The following PPP4R4 variants were observed in gnomAD, a reference collection of about 807,000 sequenced individuals.
The protein encoded by PPP4R4 is serine/threonine-protein phosphatase 4 regulatory subunit 4.
A neutral mutation model predicts 121.8 loss-of-function variants in PPP4R4; 70 were observed. That is an observed-to-expected ratio of 0.57 (90% CI 0.47 to 0.70). PPP4R4 has a LOEUF of 0.70. Among genes scored for constraint, PPP4R4 ranks in the 30% least tolerant of loss-of-function variants. PPP4R4 has a pLI of 0.00. For synonymous variants in PPP4R4, 348 were observed against 355.7 expected, an observed-to-expected ratio of 0.98 and a Z score of 0.24; for missense variants, 875 against 1,033.6, an observed-to-expected ratio of 0.85 and a Z score of 2.10.
At chr14:94,234,541 T>A (rs773231807) in intron 6 of PPP4R4, 21 bp from the exon 7 acceptor site, 9 of 1,447,890 alleles carry the variant, frequency 6.2e-6, no homozygotes, top group Admixed American at 5.2e-5. Context: ...ATTTGCATGT[T>A]TCTTTTCTCC....
chr14:94,227,816 T>G (rs957279423), intron 3 of PPP4R4: 3 of 987,072 alleles, frequency 3.0e-6, no homozygotes, highest in Admixed American at 6.1e-5. Flanking sequence ...AAGTCCTTTC[T>G]GTTTCTAAAT....
At chr14:94,176,189 C>A in intron 2 of PPP4R4, 62 bp downstream of exon 2, 1 of 1,355,486 alleles carries the variant, frequency 7.4e-7, no homozygotes, top group Non-Finnish European at 1.1e-6. Context: ...GAGATGAATG[C>A]TTTCTAAAAT....
intron 2 of PPP4R4, among the ~76,000 whole-genome samples, chr14:94,183,796 A>G (rs1259201586): frequency 6.6e-6 from 1 of 152,148 alleles, no homozygotes; most frequent in Non-Finnish European, 1.5e-5. Context: ...TCTTGTAAGC[A>G]TAGTGTTTTA....
At chr14:94,199,022 C>T (rs181249351) in intron 2 of PPP4R4, among the ~76,000 whole-genome samples, 7 of 152,298 alleles carry the variant, frequency 4.6e-5, no homozygotes, top group Non-Finnish European at 8.8e-5. Context: ...CTTTGCATTT[C>T]CATATAGATT....
At chr14:94,247,927 C>T (rs1382039768) in intron 14 of PPP4R4, among the ~76,000 whole-genome samples, 1 of 152,166 alleles carries the variant, frequency 6.6e-6, no homozygotes, top group African/African-American at 2.4e-5. Flanking sequence ...ATAATAATAG[C>T]TGTCTATGAC....
At position 94,268,482 on chromosome 14, in the gene PPP4R4, C is replaced by T. The variant is rs1050180548; in HGVS notation, c.2449+1453C>T. On this transcript the variant is annotated intron_variant, in intron 23 of 24. Transcript: ENST00000304338. ...CTAGTTTTTAAGTGACCTTAAGAAC[C>T]AAGAGAGTAGATATGGTCCACAGAT... 1.0e-3 allele frequency among the ~76,000 whole-genome samples: 157 copies of T among 151,952 alleles called. 3 individuals are homozygous for T. The highest frequency in any genetic ancestry group is 2.6e-4 in the Non-Finnish European group (18 of 67,988).
chr14:94,277,459 G>T (rs568348827), intron 24 of PPP4R4, among the ~76,000 whole-genome samples: 2 of 152,204 alleles, frequency 1.3e-5, no homozygotes, highest in Non-Finnish European at 2.9e-5. Flanking sequence ...CTGTCTCATG[G>T]TTCCTCCTCC....
chr14:94,278,746 GT>G lies in PPP4R4; in HGVS notation c.*114del, dbSNP rs5810667. ...CTGGGGCTTTGTTTTTAAATTTTGG[GT>G]TTTTTTTTTTGTTGTTGTTAATGAG... On this transcript the variant is annotated 3_prime_UTR_variant, in exon 25 of 25. Transcript: ENST00000304338. 0.02 allele frequency: 18,768 copies of G among 945,578 alleles called. No individual in the cohort carries two copies. Among genetic ancestry groups the G allele is most frequent in the South Asian group, 0.025 (910 of 36,128 alleles). 58.6% of individuals were successfully genotyped at this position (945,578 alleles called of 1,614,324 possible).
intron 2 of PPP4R4, among the ~76,000 whole-genome samples, chr14:94,205,255 CAT>C (rs1890399704): frequency 6.6e-6 from 1 of 152,086 alleles, no homozygotes; most frequent in South Asian, 2.1e-4. Flanking sequence ...TTATCTCTTT[CAT>C]ATTGGATAAG....
intron 2 of PPP4R4, among the ~76,000 whole-genome samples, chr14:94,181,985 G>A (rs999347960): frequency 2.0e-5 from 3 of 152,156 alleles, no homozygotes; most frequent in Non-Finnish European, 4.4e-5. Flanking sequence ...GCCTATTAGC[G>A]ACGAGCTTTC....
intron 3 of PPP4R4, among the ~76,000 whole-genome samples, chr14:94,219,425 A>T (rs1171648548): frequency 6.6e-6 from 1 of 152,202 alleles, no homozygotes; most frequent in East Asian, 1.9e-4. Context: ...ATTTACATGA[A>T]TAAATGAGCA....
intron 8 of PPP4R4, among the ~76,000 whole-genome samples, chr14:94,238,247 AGTAT>A (rs1290518975): frequency 2.0e-5 from 3 of 152,242 alleles, no homozygotes; most frequent in African/African-American, 7.2e-5. Flanking sequence ...TTCACCTTCC[AGTAT>A]TGCTGCACTG....
chr14:94,256,340 A>G (rs149427210), intron 16 of PPP4R4, 120 bp from the exon 17 acceptor site: 13 of 781,582 alleles, frequency 1.7e-5, no homozygotes, highest in Admixed American at 1.5e-4. Context: ...TAGACACTCC[A>G]TGAATATATC....
chr14:94,186,008 TG>T (rs1889258744), intron 2 of PPP4R4, among the ~76,000 whole-genome samples: 2 of 152,336 alleles, frequency 1.3e-5, no homozygotes, highest in South Asian at 2.1e-4. Context: ...GGAATAATTT[TG>T]CCTGTTCTGG....
rs1481491507 is a variant in PPP4R4, at chr14:94,265,398, A to G, written c.2209A>G (p.Lys737Glu). The change falls in exon 21 of 25, where the codon AAG becomes GAG. Residue 737 changes from lysine (K) to glutamate (E), a missense_variant. By Grantham distance (56) the Lys-to-Glu change is moderately conservative. Transcript: ENST00000304338. ...KMFEKKRRDT[K>E]TPTQSLPKNI... ...AGAATTTATTTTAGGTAGAGACACT[A>G]AGACACCAACGCAAAGTCTGCCCAA... is the stretch of plus-strand genomic sequence containing the variant. 1 of 1,610,770 alleles carries G rather than the reference A, an allele frequency of 6.2e-7. No individual in the cohort carries two copies. Among genetic ancestry groups the G allele is most frequent in the Non-Finnish European group, 8.5e-7 (1 of 1,176,960 alleles).
chr14:94,234,375 A>G (rs573579075), intron 6 of PPP4R4, among the ~76,000 whole-genome samples, 187 bp from the exon 7 acceptor site: 125 of 152,250 alleles, frequency 8.2e-4, no homozygotes, highest in Admixed American at 2.4e-3. Context: ...TGTGATATAC[A>G]TAATTTACAA....
Position 94,245,571 on chromosome 14 carries a change from A to G in PPP4R4, c.1345-16A>G. 3 of 1,387,412 alleles carry G rather than the reference A, an allele frequency of 2.2e-6. No homozygotes were observed. The highest frequency in any genetic ancestry group is 2.0e-6 in the Non-Finnish European group (2 of 993,230). The allele number at this position is 1,387,412 out of a possible 1,614,324, so 85.9% of individuals were successfully genotyped here. A position where few individuals can be genotyped will look rare whatever the true frequency, so the allele number is the denominator to read the frequency against. ...ATAGTAATCACTATAACAGTAATCA[A>G]TATCTCTGTTAAAAGGTACTAGATG... On this transcript the variant is annotated splice_polypyrimidine_tract_variant and intron_variant, in intron 12 of 24. Coordinates refer to ENST00000304338, the MANE Select transcript of PPP4R4 (RefSeq NM_058237.2).
intron 3 of PPP4R4, among the ~76,000 whole-genome samples, chr14:94,225,172 ACGAGGTAACTCTAATCAACTCT>A (rs1320437044): frequency 1.3e-5 from 2 of 152,236 alleles, no homozygotes; most frequent in African/African-American, 4.8e-5. Flanking sequence ...ATAAAGGCAG[ACGAGGTAACTCTAATCAACTCT>A]CTTGGCAAGG....
chr14:94,244,990 T>C (rs1204736179), intron 12 of PPP4R4, among the ~76,000 whole-genome samples: 1 of 152,132 alleles, frequency 6.6e-6, no homozygotes, highest in Non-Finnish European at 1.5e-5. Flanking sequence ...AGAATGCCTT[T>C]AATTTCAATT....
Sources: gnomAD v4.1 joint callset for allele counts (sites outside exome capture counted in the v4.1 genomes callset) on GRCh38, gnomAD v4.1.1 for gene constraint, MANE v1.5 for transcripts, NCBI Gene and HGNC (gene_info 2026-07-23, HGNC 2026-07-21) for gene names.